LPL: variants seen among roughly 807,000 people sequenced by gnomAD.
LPL encodes lipoprotein lipase.
Under a neutral mutation model 52.2 loss-of-function variants are expected in LPL, and 43 were observed. The observed-to-expected ratio is 0.82, with a 90% CI of 0.64 to 1.06. The LOEUF (loss-of-function observed/expected upper bound fraction) is 1.06. Among genes scored for constraint, LPL ranks in the 50% least tolerant of loss-of-function variants. The pLI, the probability that LPL is intolerant of heterozygous loss-of-function variation, is 0.00. For synonymous variants in LPL, 244 were observed against 215.6 expected (o/e 1.13, Z -1.15); for missense variants, 639 against 585.3 (o/e 1.09, Z -0.95).
chr8:19,956,908 C>G (rs141616103), intron 6 of LPL, among the ~76,000 whole-genome samples: 54 of 152,312 alleles, frequency 3.5e-4, no homozygotes, highest in Non-Finnish European at 6.6e-4. Context: ...ACCACAACCT[C>G]TGCCTCCCGG....
At chr8:19,940,430 G>T (rs561565910) in intron 1 of LPL, among the ~76,000 whole-genome samples, 6 of 152,230 alleles carry the variant, frequency 3.9e-5, no homozygotes, top group Non-Finnish European at 7.3e-5. Context: ...GCCGCGTGGA[G>T]GCAGCGAGCA....
intron 1 of LPL, among the ~76,000 whole-genome samples, chr8:19,943,865 T>C (rs1490483968): frequency 6.6e-6 from 1 of 152,188 alleles, no homozygotes; most frequent in Non-Finnish European, 1.5e-5. Flanking sequence ...GATTTATTTT[T>C]CCTATTCCAT....
intron 6 of LPL, among the ~76,000 whole-genome samples, chr8:19,957,916 A>G (rs1235985240): frequency 6.6e-6 from 1 of 152,080 alleles, no homozygotes; most frequent in Admixed American, 6.5e-5. Context: ...CATTTAATAG[A>G]CAGTAACACA....
In LPL at chr8:19,955,871, A is replaced by T; in HGVS notation, c.806A>T (p.Glu269Val). ...DVDQLVKCSH[E>V]RSIHLFIDSL... Reference sequence around the variant, plus strand: ...GACCAGCTAGTGAAGTGCTCCCACGAGCGCTCCATTCATCTCTTCATCGAC... The same window carrying T: ...GACCAGCTAGTGAAGTGCTCCCACGTGCGCTCCATTCATCTCTTCATCGAC... The change falls in exon 6 of 10, where the codon GAG (glutamate) becomes GTG (valine). Residue 269 changes from glutamate to valine, a missense_variant. Coordinates refer to ENST00000650287, the MANE Select transcript of LPL (RefSeq NM_000237.3). 4 of 1,614,182 alleles carry T rather than the reference A, an allele frequency of 2.5e-6. No homozygotes were observed. The highest frequency in any genetic ancestry group is 2.5e-6 in the Non-Finnish European group (3 of 1,180,032).
At position 19,939,668 on chromosome 8, in the gene LPL, A is replaced by C. The variant is rs1377146515; in HGVS notation, c.88+140A>C. 2 of 858,784 alleles carry C rather than the reference A, an allele frequency of 2.3e-6. No individual in the cohort carries two copies. Among genetic ancestry groups the C allele is most frequent in the East Asian group, 5.4e-5 (2 of 37,220 alleles). 53.2% of individuals were successfully genotyped at this position (858,784 alleles called of 1,614,324 possible). A position where few individuals can be genotyped will look rare whatever the true frequency, so the allele number is the denominator to read the frequency against. On this transcript the variant is annotated intron_variant, in intron 1 of 9. Coordinates refer to ENST00000650287, the MANE Select transcript of LPL (RefSeq NM_000237.3). The surrounding 1 kb of genome is among the most constrained non-coding windows in gnomAD (Gnocchi z 4.0). The stretch of plus-strand genomic sequence containing the variant: ...TCTCCCAGCCTGGGCTCTAGCCCCG[A>C]AACGGTCCCCGGAGTGGGATCCAGG...
Position 19,965,374 on chromosome 8 carries a change from G to A in LPL, c.*64G>A, listed in dbSNP as rs1236385738. The stretch of plus-strand genomic sequence containing the variant: ...TTCTGTGAAGAATGAAGTGGAGGAA[G>A]TAACTTTTACAAAACATACCCAGTG... On this transcript the variant is annotated 3_prime_UTR_variant, in exon 10 of 10. Coordinates refer to ENST00000650287, the MANE Select transcript of LPL (RefSeq NM_000237.3). The A allele has an allele frequency of 1.3e-6, 1 of 779,832 alleles. No homozygotes were observed. The highest frequency in any genetic ancestry group is 2.4e-5 in the East Asian group (1 of 41,222). 48.3% of individuals were successfully genotyped at this position (779,832 alleles called of 1,614,324 possible).
intron 7 of LPL, among the ~76,000 whole-genome samples, chr8:19,959,980 G>A (rs186485047): frequency 6.6e-6 from 1 of 151,130 alleles, no homozygotes; most frequent in Non-Finnish European, 1.5e-5. Context: ...GTAGCGACAG[G>A]GTCTCACCAT....
At position 19,950,893 on chromosome 8, in the gene LPL, GGAAT is replaced by G. The variant is rs1369263238; in HGVS notation, c.250-872_250-869del. Among the ~76,000 whole-genome samples, 1 of 148,054 alleles carries G rather than the reference GGAAT, an allele frequency of 6.8e-6. No individual in the cohort carries two copies. Among genetic ancestry groups the G allele is most frequent in the African/African-American group, 2.5e-5 (1 of 40,176 alleles). ...AAGGAGGGAGGGAGGAAGGAAGGAA[GGAAT>G]GAAGGAAGGAAGGAAGGAATGAAGG... On this transcript the variant is annotated intron_variant, in intron 2 of 9. Coordinates refer to ENST00000650287, the MANE Select transcript of LPL (RefSeq NM_000237.3). The surrounding 1 kb of genome is among the most constrained non-coding windows in gnomAD (Gnocchi z 4.2).
rs1479874765 is a variant in LPL, at chr8:19,950,971, GAAACACTGGTAGTACAGAA to G, written c.250-793_250-775del. 6.7e-6 allele frequency among the ~76,000 whole-genome samples: 1 copy of G among 148,984 alleles called. No homozygotes were observed. The highest frequency in any genetic ancestry group is 6.6e-5 in the Admixed American group (1 of 15,046). On this transcript the variant is annotated intron_variant, in intron 2 of 9. Coordinates refer to ENST00000650287, the MANE Select transcript of LPL (RefSeq NM_000237.3). This position sits in a 1 kb window ranked among gnomAD's most constrained non-coding sequence, Gnocchi z 4.2. ...AAAGGAAGGAAGAACAAAGAAAAGA[GAAACACTGGTAGTACAGAA>G]AAACTTCTGATAGAGGCCTAGAGTA...
rs937752500 is a variant in LPL, at chr8:19,939,808, G to T, written c.88+280G>T. On this transcript the variant is annotated intron_variant, in intron 1 of 9. Transcript: ENST00000650287. The surrounding 1 kb of genome is among the most constrained non-coding windows in gnomAD (Gnocchi z 4.0). ...CCACTCTGGCTGGGACCGCGTTCCC[G>T]GGCTCGCAGGCTCCGCCGGGGAGGT... is the stretch of plus-strand genomic sequence containing the variant. Among the ~76,000 whole-genome samples the T allele has an allele frequency of 1.2e-4, 19 of 152,328 alleles. No individual in the cohort carries two copies. The highest frequency in any genetic ancestry group is 5.2e-4 in the Admixed American group (8 of 15,306).
chr8:19,955,734 G>A lies in LPL; in HGVS notation c.776-107G>A, dbSNP rs1195982990. ...ATAAATGCACAGGACTATATCCTTG[G>A]GTGATTCTACTCTAACACCACATCT... On this transcript the variant is annotated intron_variant, in intron 5 of 9. Coordinates refer to ENST00000650287, the MANE Select transcript of LPL (RefSeq NM_000237.3). The A allele has an allele frequency of 1.6e-5, 23 of 1,407,762 alleles. No homozygotes were observed. The East Asian group carries it at 3.2e-4, about 19-fold the overall frequency. The allele number at this position is 1,407,762 out of a possible 1,614,324, so 87.2% of individuals were successfully genotyped here.
Position 19,956,006 on chromosome 8 carries a change from G to T in LPL, c.941G>T (p.Gly314Val), listed in dbSNP as rs2069981599. The change falls in exon 6 of 10, where the codon GGC becomes GTC. Residue 314 changes from glycine to valine, a missense_variant. Gly to Val is a moderately radical substitution (Grantham distance 109). Transcript: ENST00000650287. ...AGAAAGAACCGCTGCAACAATCTGGGCTATGAGATCAATAAAGTCAGAGCC... is the reference window on the plus strand; with the variant it reads ...AGAAAGAACCGCTGCAACAATCTGGTCTATGAGATCAATAAAGTCAGAGCC... ...SCRKNRCNNL[G>V]YEINKVRAKR... The T allele has an allele frequency of 6.2e-7, 1 of 1,614,012 alleles. No homozygotes were observed. Among genetic ancestry groups the T allele is most frequent in the Non-Finnish European group, 8.5e-7 (1 of 1,180,038 alleles).
Position 19,951,627 on chromosome 8 carries a change from TTC to T in LPL, c.250-140_250-139del, listed in dbSNP as rs1270341881. On this transcript the variant is annotated intron_variant, in intron 2 of 9. Transcript: ENST00000650287. ...GGGACAGACCTGTCTCTGAACACTG[TTC>T]TGTTATTTGATTTTTCTATCTGTGC... 3 of 914,464 alleles carry T rather than the reference TTC, an allele frequency of 3.3e-6. No individual in the cohort carries two copies. In the African/African-American group the frequency reaches 4.9e-5, roughly 15 times the overall value. The allele number at this position is 914,464 out of a possible 1,614,324, so 56.6% of individuals were successfully genotyped here.
Position 19,959,355 on chromosome 8 carries a change from G to C in LPL, c.1114G>C (p.Glu372Gln), listed in dbSNP as rs753984721. The C allele has an allele frequency of 8.7e-6, 14 of 1,613,984 alleles. No individual in the cohort carries two copies. The highest frequency in any genetic ancestry group is 2.2e-5 in the East Asian group (1 of 44,888). The change falls in exon 7 of 10, where the codon GAG becomes CAG. Residue 372 changes from glutamate (E) to glutamine (Q), a missense_variant. Transcript: ENST00000650287. ...GATTTCTCTGTATGGCACCGTGGCC[G>C]AGAGTGAGAACATCCCATTCACTCT... ...FEISLYGTVA[E>Q]SENIPFTLPE...
intron 6 of LPL, among the ~76,000 whole-genome samples, chr8:19,958,685 A>C (rs913778015): frequency 1.3e-5 from 2 of 152,126 alleles, no homozygotes; most frequent in Non-Finnish European, 2.9e-5. Flanking sequence ...GGAATGGAAA[A>C]ATCAACGAAA....
intron 2 of LPL, 174 bp from the exon 3 acceptor site, chr8:19,951,595 C>T (rs962089389): frequency 1.3e-5 from 10 of 773,996 alleles, no homozygotes; most frequent in Admixed American, 9.0e-5. Flanking sequence ...TTAGATCTGC[C>T]TTGGAAGGGA....
intron 7 of LPL, among the ~76,000 whole-genome samples, chr8:19,960,690 G>C (rs1239283332): frequency 6.6e-6 from 1 of 152,168 alleles, no homozygotes. Context: ...AATAGTTCAT[G>C]TCATTAGGAT....
chr8:19,954,006 G>C, intron 4 of LPL, 114 bp from the exon 5 acceptor site: 1 of 772,212 alleles, frequency 1.3e-6, no homozygotes, highest in Non-Finnish European at 2.3e-6. Flanking sequence ...TGTAGAATAG[G>C]AGCTAATAAG....
chr8:19,949,330 A>T (rs1238157711), intron 2 of LPL, among the ~76,000 whole-genome samples: 2 of 152,216 alleles, frequency 1.3e-5, no homozygotes, highest in Non-Finnish European at 2.9e-5. Context: ...CAATTTTTAT[A>T]GAGATGAGAC....
Sources: allele counts gnomAD v4.1 joint callset (sites outside exome capture counted in the v4.1 genomes callset), GRCh38; gene constraint gnomAD v4.1.1; non-coding constraint Gnocchi (gnomAD v3.1); transcripts MANE v1.5; gene names NCBI Gene and HGNC (gene_info 2026-07-23, HGNC 2026-07-21).